The following KLF12 variants were observed in gnomAD, a reference collection of about 807,000 sequenced individuals.
KLF12 encodes the protein KLF transcription factor 12, also known as Krueppel-like factor 12.
In KLF12, 9 loss-of-function variants were observed where a neutral mutation model predicts 37.8. The observed-to-expected ratio is 0.24, with a 90% CI of 0.14 to 0.42. The LOEUF (loss-of-function observed/expected upper bound fraction) is 0.42, where lower values mean the gene tolerates loss of function less well. KLF12 is among the 10% of genes least tolerant of loss of function. The pLI is 1.00. For missense variants in KLF12, 411 were observed against 516.0 expected (o/e 0.80, Z 1.97); for synonymous variants, 208 against 202.1 (o/e 1.03, Z -0.25).
intron 1 of KLF12, among the ~76,000 whole-genome samples, chr13:74,067,028 G>A (rs987592915): frequency 2.0e-5 from 3 of 152,174 alleles, no homozygotes; most frequent in South Asian, 2.1e-4. Context: ...GACACACATA[G>A]CTAACTGCTT....
At chr13:74,099,017 A>T (rs1297762914) in intron 1 of KLF12, among the ~76,000 whole-genome samples, 4 of 152,182 alleles carry the variant, frequency 2.6e-5, no homozygotes, top group Non-Finnish European at 2.9e-5. Context: ...GCTACTGGAC[A>T]TATATACATC....
intron 3 of KLF12, among the ~76,000 whole-genome samples, chr13:73,865,996 C>T (rs561272460): frequency 6.6e-6 from 1 of 152,288 alleles, no homozygotes; most frequent in East Asian, 1.9e-4. Flanking sequence ...TGGCTCACGC[C>T]TATAATCCCA....
chr13:73,786,869 G>A (rs2138237049), intron 5 of KLF12, among the ~76,000 whole-genome samples: 1 of 152,206 alleles, frequency 6.6e-6, no homozygotes. Context: ...AGGCTGCAGT[G>A]AGCTCTGATC....
chr13:74,041,734 C>A (rs1454475790), intron 1 of KLF12, among the ~76,000 whole-genome samples: 2 of 131,146 alleles, frequency 1.5e-5, no homozygotes, highest in Admixed American at 7.4e-5. Flanking sequence ...ACACACACAC[C>A]CCTTCAAAAC....
chr13:73,801,106 AT>A (rs1882258734), intron 5 of KLF12: 2 of 152,042 alleles, frequency 1.3e-5, no homozygotes. Flanking sequence ...CTTACCCAAG[AT>A]TTTTCTATCT....
At chr13:74,115,274 C>T (rs1877227351) in intron 1 of KLF12, among the ~76,000 whole-genome samples, 8 of 152,136 alleles carry the variant, frequency 5.3e-5, no homozygotes. Flanking sequence ...TAATACATTG[C>T]CCATAGTGAG....
At chr13:74,207,158 G>A in the KLF12 span, among the ~76,000 whole-genome samples, 1 of 152,202 alleles carries the variant, frequency 6.6e-6, no homozygotes, top group African/African-American at 2.4e-5. Context: ...ACCAACTCCT[G>A]CAATAACGAG....
the KLF12 span, among the ~76,000 whole-genome samples, chr13:74,195,214 AG>A: frequency 3.3e-5 from 5 of 152,226 alleles, no homozygotes; most frequent in African/African-American, 4.8e-5. Context: ...AGAAACTTAC[AG>A]ACAGCAGAAT....
the KLF12 span, among the ~76,000 whole-genome samples, chr13:74,163,588 G>T: frequency 6.6e-6 from 1 of 152,102 alleles, no homozygotes; most frequent in Admixed American, 6.6e-5. Context: ...GGGTTGTGGG[G>T]GTTGGAGGGA....
At chr13:74,174,081 G>A in the KLF12 span, among the ~76,000 whole-genome samples, 3 of 152,026 alleles carry the variant, frequency 2.0e-5, no homozygotes, top group South Asian at 4.1e-4. Flanking sequence ...ACATGATGCC[G>A]GTCCTCCTAG....
the KLF12 span, among the ~76,000 whole-genome samples, chr13:74,268,911 G>A: frequency 6.6e-6 from 1 of 152,168 alleles, no homozygotes; most frequent in Non-Finnish European, 1.5e-5. Flanking sequence ...AGGGATTATA[G>A]TGCTGTCTGG....
At chr13:74,245,327 A>G in the KLF12 span, among the ~76,000 whole-genome samples, 1 of 149,108 alleles carries the variant, frequency 6.7e-6, no homozygotes. Context: ...CTATCTATCT[A>G]TCTATCTATC....
At chr13:73,868,021 T>G (rs1269226445) in intron 3 of KLF12, among the ~76,000 whole-genome samples, 1 of 145,874 alleles carries the variant, frequency 6.9e-6, no homozygotes, top group Non-Finnish European at 1.5e-5. Context: ...GCGAAACTCC[T>G]TCTCAAAAAA....
At chr13:74,143,332 G>GAAGTCAAATAC in the KLF12 span, among the ~76,000 whole-genome samples, 1 of 2,432 alleles carries the variant, frequency 4.1e-4, no homozygotes, top group Non-Finnish European at 1.6e-3. Flanking sequence ...TTTTTATACA[G>GAAGTCAAATAC]AATTCAAATA....
upstream of KLF12, among the ~76,000 whole-genome samples, chr13:74,137,898 T>A (rs764036150): frequency 7.9e-5 from 12 of 152,196 alleles, no homozygotes; most frequent in Non-Finnish European, 1.5e-4. Flanking sequence ...GTAGCTAGGA[T>A]TACGGGCATG....
chr13:74,100,162 T>C (rs1361476335), intron 1 of KLF12, among the ~76,000 whole-genome samples: 3 of 151,784 alleles, frequency 2.0e-5, no homozygotes, highest in Non-Finnish European at 2.9e-5. Context: ...ATAGGGAAAA[T>C]AAGTAAAATG....
chr13:74,084,057 A>T (rs1875103337), intron 1 of KLF12, among the ~76,000 whole-genome samples: 1 of 152,154 alleles, frequency 6.6e-6, no homozygotes. Flanking sequence ...TAAATAATAA[A>T]ATCATCTATT....
the KLF12 span, among the ~76,000 whole-genome samples, chr13:74,156,564 T>C: frequency 2.8e-5 from 4 of 144,756 alleles, no homozygotes; most frequent in Non-Finnish European, 4.5e-5. Flanking sequence ...GTAGATCTTA[T>C]TCATTCTTTC....
chr13:74,094,603 CTT>C (rs112013862), intron 1 of KLF12, among the ~76,000 whole-genome samples: 33 of 142,796 alleles, frequency 2.3e-4, no homozygotes, highest in Non-Finnish European at 2.9e-4. Flanking sequence ...TCTATCTTTT[CTT>C]TTTTTTTTTT....
Sources: gnomAD v4.1 joint callset for allele counts (sites outside exome capture counted in the v4.1 genomes callset) on GRCh38, gnomAD v4.1.1 for gene constraint, MANE v1.5 for transcripts, NCBI Gene and HGNC (gene_info 2026-07-23, HGNC 2026-07-21) for gene names.